Variants in PCDHA9 observed in about 807,000 individuals in gnomAD.
The protein encoded by PCDHA9 is protocadherin alpha 9.
In PCDHA9, 62 loss-of-function variants were observed where a neutral mutation model predicts 62.0. The observed-to-expected ratio is 1.00, with a 90% CI of 0.81 to 1.23. The LOEUF is 1.23. PCDHA9 is among the 50% of genes most tolerant of loss of function. The pLI is 0.00. For missense variants in PCDHA9, 1,205 were observed against 1,249.8 expected (o/e 0.96, Z 0.54); for synonymous variants, 557 against 567.6 (o/e 0.98, Z 0.27).
At chr5:140,864,478 G>A (rs377075793) in intron 1 of PCDHA9, 3 of 152,180 alleles carry the variant, frequency 2.0e-5, no homozygotes, top group Admixed American at 6.5e-5. Context: ...GATGTTGATT[G>A]CAGTGGGTGG....
intron 1 of PCDHA9, among the ~76,000 whole-genome samples, chr5:140,911,647 G>A (rs1554194849): frequency 2.0e-5 from 3 of 152,160 alleles, no homozygotes; most frequent in African/African-American, 7.2e-5. Flanking sequence ...ATTACATATA[G>A]AGTTACTAAA....
chr5:140,850,379 G>A lies in PCDHA9; in HGVS notation c.1884G>A (p.Thr628=). 2 of 1,597,906 alleles carry A rather than the reference G, an allele frequency of 1.3e-6. No homozygotes were observed. Among genetic ancestry groups the A allele is most frequent in the Non-Finnish European group, 1.7e-6 (2 of 1,167,696 alleles). The change falls in exon 1 of 4, where the codon ACG becomes ACA. Residue 628 remains threonine, a synonymous_variant. Coordinates refer to ENST00000532602, the MANE Select transcript of PCDHA9 (RefSeq NM_031857.2). ...ASIPFRVGLY[T]GEISTTRALD... ...TCCCGTTCCGCGTGGGGCTGTACAC[G>A]GGCGAGATCAGCACAACGCGTGCCC...
chr5:140,888,513 A>C (rs1208227299), intron 1 of PCDHA9, among the ~76,000 whole-genome samples: 5 of 152,216 alleles, frequency 3.3e-5, no homozygotes, highest in African/African-American at 4.8e-5. Context: ...TCTTGGACTT[A>C]GTTCTGACGT....
intron 1 of PCDHA9, chr5:140,877,139 T>C (rs781891057): frequency 8.7e-6 from 14 of 1,613,764 alleles, no homozygotes; most frequent in Admixed American, 1.7e-5. Context: ...GTGTTCGTGC[T>C]GGACGAGAAC....
At chr5:140,927,051 G>C (rs1554203978) in intron 1 of PCDHA9, 1 of 1,611,998 alleles carries the variant, frequency 6.2e-7, no homozygotes, top group Non-Finnish European at 8.5e-7. Flanking sequence ...TGTCCTCGCG[G>C]AACTTTCGCT....
intron 1 of PCDHA9, chr5:140,877,301 A>G: frequency 1.2e-6 from 2 of 1,613,876 alleles, no homozygotes. Context: ...CTGTCCTACG[A>G]GTTGCAACCG....
chr5:140,856,314 T>C (rs2043919733), intron 1 of PCDHA9: 1 of 1,598,440 alleles, frequency 6.3e-7, no homozygotes, highest in African/African-American at 1.3e-5. Context: ...AATTCTCGGA[T>C]TGACCGCGAG....
chr5:140,863,024 C>G (rs563115859), intron 1 of PCDHA9: 7 of 555,234 alleles, frequency 1.3e-5, no homozygotes, highest in Non-Finnish European at 2.1e-5. Flanking sequence ...CTGGTTGTCG[C>G]AACAGCTGCA....
intron 3 of PCDHA9, among the ~76,000 whole-genome samples, chr5:140,983,718 T>C (rs2097062684): frequency 6.6e-6 from 1 of 152,248 alleles, no homozygotes; most frequent in South Asian, 2.1e-4. Context: ...CTAGCACTTA[T>C]ATTCATAACA....
chr5:140,968,221 T>C, intron 1 of PCDHA9: 1 of 1,613,918 alleles, frequency 6.2e-7, no homozygotes, highest in Admixed American at 1.7e-5. Context: ...ATTTGCCAGG[T>C]GTGTTGCTCT....
chr5:140,941,421 A>T (rs1399072425), intron 1 of PCDHA9, among the ~76,000 whole-genome samples: 1 of 149,518 alleles, frequency 6.7e-6, no homozygotes, highest in Non-Finnish European at 1.5e-5. Flanking sequence ...GGTTCAAGCA[A>T]TTCTCTGCCT....
chr5:140,870,722 G>A (rs1554164638), intron 1 of PCDHA9: 2 of 1,613,222 alleles, frequency 1.2e-6, no homozygotes, highest in East Asian at 2.2e-5. Context: ...CGCGATGCGG[G>A]CGTGCCGCCT....
At chr5:140,993,984 CACTT>C (rs2097589955) in intron 3 of PCDHA9, among the ~76,000 whole-genome samples, 1 of 152,114 alleles carries the variant, frequency 6.6e-6, no homozygotes, top group Non-Finnish European at 1.5e-5. Flanking sequence ...ATTTATTAAG[CACTT>C]AGGTCAGGCC....
At chr5:140,907,239 C>T (rs1447900433) in intron 1 of PCDHA9, among the ~76,000 whole-genome samples, 1 of 152,200 alleles carries the variant, frequency 6.6e-6, no homozygotes, top group Non-Finnish European at 1.5e-5. Context: ...ACCTAGTTGA[C>T]ATTGTAATTG....
At position 140,858,441 on chromosome 5, in the gene PCDHA9, G is replaced by C. The variant is rs782468673; in HGVS notation, c.2394+7552G>C. 13 of 1,537,092 alleles carry C rather than the reference G, an allele frequency of 8.5e-6. 2 individuals carry two copies. The South Asian group carries it at 1.2e-4, about 14-fold the overall frequency. ...GGAGGGGACCACTCTAGGAAGGTGG[G>C]TTATTACGTTTTCATTTTCCTTTTG... is the stretch of plus-strand genomic sequence containing the variant. On this transcript the variant is annotated intron_variant, in intron 1 of 3. Coordinates refer to ENST00000532602, the MANE Select transcript of PCDHA9 (RefSeq NM_031857.2).
intron 1 of PCDHA9, chr5:140,870,468 A>G: frequency 1.2e-6 from 2 of 1,614,214 alleles, no homozygotes; most frequent in Non-Finnish European, 8.5e-7. Flanking sequence ...CTGCGTTCGC[A>G]CAGCCCGAGT....
At chr5:140,886,276 A>T (rs1352172114) in intron 1 of PCDHA9, among the ~76,000 whole-genome samples, 3 of 152,062 alleles carry the variant, frequency 2.0e-5, no homozygotes, top group Admixed American at 1.3e-4. Flanking sequence ...AAAATTTTTT[A>T]AAATTATTTT....
intron 1 of PCDHA9, chr5:140,868,832 C>T: frequency 2.4e-6 from 1 of 420,492 alleles, no homozygotes; most frequent in Non-Finnish European, 4.1e-6. Context: ...GGAAGAAACC[C>T]AAAACACGTG....
chr5:140,885,083 C>T (rs1359793188), intron 1 of PCDHA9, among the ~76,000 whole-genome samples: 3 of 151,992 alleles, frequency 2.0e-5, no homozygotes, highest in Admixed American at 6.5e-5. Context: ...TAAAGAGCCC[C>T]ATAACTTTTC....
Sources: gnomAD v4.1 joint callset for allele counts (sites outside exome capture counted in the v4.1 genomes callset) on GRCh38, gnomAD v4.1.1 for gene constraint, MANE v1.5 for transcripts, NCBI Gene and HGNC (gene_info 2026-07-23, HGNC 2026-07-21) for gene names.